The following RIN2 variants were observed in gnomAD, a reference collection of about 807,000 sequenced individuals.
The protein encoded by RIN2 is Ras and Rab interactor 2.
A neutral mutation model predicts 78.0 loss-of-function variants in RIN2; 36 were observed. The observed-to-expected ratio is 0.46, with a 90% CI of 0.35 to 0.61. The LOEUF is 0.61. Ranked by LOEUF, RIN2 falls within the 20% of genes least tolerant of loss-of-function variation. The probability of loss-of-function intolerance (pLI) is 0.00; values close to 1 mark genes in which losing one functional copy is unlikely to be tolerated. For synonymous variants in RIN2, 466 were observed against 466.8 expected, an observed-to-expected ratio of 1.00 and a Z score of 0.02; for missense variants, 1,087 against 1,159.7, an observed-to-expected ratio of 0.94 and a Z score of 0.91.
chr20:19,907,626 G>A (rs1483413845), intron 3 of RIN2, among the ~76,000 whole-genome samples: 1 of 152,238 alleles, frequency 6.6e-6, no homozygotes, highest in East Asian at 1.9e-4. Flanking sequence ...GGAAGAGGGT[G>A]GAGGTGGGTC....
chr20:19,979,056 C>T (rs756567415), intron 9 of RIN2, among the ~76,000 whole-genome samples: 2 of 152,200 alleles, frequency 1.3e-5, no homozygotes, highest in Non-Finnish European at 2.9e-5. Context: ...GGATATCCAA[C>T]CAAAGTTTCT....
At chr20:19,760,503 A>G (rs1171527784) in intron 1 of RIN2, among the ~76,000 whole-genome samples, 1 of 152,078 alleles carries the variant, frequency 6.6e-6, no homozygotes, top group African/African-American at 2.4e-5. Flanking sequence ...TCTTATCCCC[A>G]CCCAAGGTGT....
chr20:19,851,080 GGAAGGT>G, intron 2 of RIN2, among the ~76,000 whole-genome samples: 1 of 151,230 alleles, frequency 6.6e-6, no homozygotes, highest in African/African-American at 2.4e-5. Context: ...AAGGAAGGAA[GGAAGGT>G]AGGAAGGAAG....
At chr20:19,961,669 G>C (rs151284472) in intron 6 of RIN2, among the ~76,000 whole-genome samples, 2 of 152,122 alleles carry the variant, frequency 1.3e-5, no homozygotes, top group African/African-American at 4.8e-5. Context: ...CTACTCAGCC[G>C]GGAGGGCACA....
intron 3 of RIN2, among the ~76,000 whole-genome samples, chr20:19,894,824 C>T (rs1600720174): frequency 6.6e-6 from 1 of 152,118 alleles, no homozygotes; most frequent in Non-Finnish European, 1.5e-5. Flanking sequence ...ATAATCCACC[C>T]ACACCAACAC....
chr20:19,834,856 G>A (rs1357476943), intron 2 of RIN2, among the ~76,000 whole-genome samples: 2 of 151,878 alleles, frequency 1.3e-5, no homozygotes, highest in African/African-American at 4.8e-5. Context: ...GAGAGACTGA[G>A]GCAAGAGAAT....
At chr20:19,903,173 G>C (rs2039063201) in intron 3 of RIN2, among the ~76,000 whole-genome samples, 2 of 152,154 alleles carry the variant, frequency 1.3e-5, no homozygotes, top group African/African-American at 4.8e-5. Context: ...CTCTACAGGA[G>C]GGCTAAGATG....
At chr20:19,935,316 CA>C in intron 4 of RIN2, 117 bp downstream of exon 4, 1 of 1,251,080 alleles carries the variant, frequency 8.0e-7, no homozygotes, top group Non-Finnish European at 1.1e-6. Context: ...AGTGTGGTAG[CA>C]GCTCTAGATG....
At chr20:19,908,899 C>T (rs144595362) in intron 3 of RIN2, among the ~76,000 whole-genome samples, 1,967 of 152,292 alleles carry the variant, frequency 0.013, 33 homozygotes, top group African/African-American at 0.045. Context: ...AGTTTTGCTC[C>T]TGTTGCCCAG....
chr20:19,863,554 A>G (rs528673432), intron 2 of RIN2, among the ~76,000 whole-genome samples: 1 of 152,344 alleles, frequency 6.6e-6, no homozygotes, highest in East Asian at 1.9e-4. Context: ...ACTGCTTACC[A>G]GCATTACTCT....
At chr20:19,839,537 C>G (rs1286640065) in intron 2 of RIN2, among the ~76,000 whole-genome samples, 16 of 152,224 alleles carry the variant, frequency 1.1e-4, no homozygotes, top group Admixed American at 1.0e-3. Flanking sequence ...CTTTTCTCTA[C>G]CAGGGGCTAT....
At chr20:19,832,300 T>C (rs1339320135) in intron 2 of RIN2, among the ~76,000 whole-genome samples, 1 of 145,582 alleles carries the variant, frequency 6.9e-6, no homozygotes, top group East Asian at 2.0e-4. Context: ...AGCATGGTGA[T>C]CTAGGATGCT....
chr20:19,887,415 A>G (rs748411894), intron 2 of RIN2, among the ~76,000 whole-genome samples: 1 of 152,096 alleles, frequency 6.6e-6, no homozygotes, highest in Non-Finnish European at 1.5e-5. Flanking sequence ...ATTTAATCCC[A>G]TGGGATGTAC....
intron 2 of RIN2, chr20:19,889,078 T>C (rs1312546823): frequency 1.1e-5 from 11 of 962,396 alleles, no homozygotes; most frequent in Non-Finnish European, 1.2e-5. Flanking sequence ...GAGCAATTTC[T>C]TCCCAGTGCC....
chr20:19,882,841 G>A (rs2038065653), intron 2 of RIN2, among the ~76,000 whole-genome samples: 1 of 151,760 alleles, frequency 6.6e-6, no homozygotes, highest in African/African-American at 2.4e-5. Flanking sequence ...GCAACAATTT[G>A]AAAAAAACGC....
In RIN2 at chr20:20,000,610, C is replaced by T; in HGVS notation, c.2365-3C>T. ...TGTCTCAACATTCCTCTTCCACCTGCAGAATTACCTCCGAGTTGCATTTCA... is the reference window on the plus strand; with the variant it reads ...TGTCTCAACATTCCTCTTCCACCTGTAGAATTACCTCCGAGTTGCATTTCA... On this transcript the variant is annotated splice_polypyrimidine_tract_variant and splice_region_variant and intron_variant, in intron 12 of 12. Transcript: ENST00000255006. The T allele has an allele frequency of 6.3e-7, 1 of 1,587,190 alleles. No homozygotes were observed. Among genetic ancestry groups the T allele is most frequent in the Non-Finnish European group, 8.6e-7 (1 of 1,162,240 alleles).
rs575413222 is a variant in RIN2, at chr20:19,935,712, C to T, written c.158+513C>T. 2.2e-5 allele frequency: 15 copies of T among 666,834 alleles called. No individual in the cohort carries two copies. In the Middle Eastern group the frequency reaches 2.3e-3, roughly 100 times the overall value. 41.3% of individuals were successfully genotyped at this position (666,834 alleles called of 1,614,324 possible). The stretch of plus-strand genomic sequence containing the variant: ...TAAATTCGATACAAAGGGAAGGCGG[C>T]GTGCTGTGCTGTTGAAGGCGATACC... On this transcript the variant is annotated intron_variant, in intron 4 of 12. Transcript: ENST00000255006.
rs759470028 is a variant in RIN2, at chr20:19,974,805, G to A, written c.780G>A (p.Leu260=). Reference sequence around the variant, plus strand: ...TCAAAACCAGGACGCCTTCAGAGCTGGAGTGCAGCCAGACCAACGGGGCCC... The same window carrying A: ...TCAAAACCAGGACGCCTTCAGAGCTAGAGTGCAGCCAGACCAACGGGGCCC... ...HSIKTRTPSE[L]ECSQTNGALC... Residue 260 remains leucine, a synonymous_variant, in exon 9 of 13, where the codon CTG becomes CTA. Coordinates refer to ENST00000255006, the MANE Select transcript of RIN2 (RefSeq NM_018993.4). 3.7e-6 allele frequency: 6 copies of A among 1,614,016 alleles called. No individual in the cohort carries two copies. The highest frequency in any genetic ancestry group is 5.1e-6 in the Non-Finnish European group (6 of 1,179,900).
At chr20:19,836,222 A>G (rs1204902054) in intron 2 of RIN2, among the ~76,000 whole-genome samples, 3 of 152,232 alleles carry the variant, frequency 2.0e-5, no homozygotes, top group African/African-American at 7.2e-5. Context: ...GAATTAATGC[A>G]CTGAGTGCTC....
Sources: allele counts gnomAD v4.1 joint callset (sites outside exome capture counted in the v4.1 genomes callset), GRCh38; gene constraint gnomAD v4.1.1; transcripts MANE v1.5; gene names NCBI Gene and HGNC (gene_info 2026-07-23, HGNC 2026-07-21).